SLX4: variants seen among roughly 807,000 people sequenced by gnomAD.
SLX4 encodes structure-specific endonuclease subunit SLX4.
In SLX4, 112 loss-of-function variants were observed where a neutral mutation model predicts 146.2. That is an observed-to-expected ratio of 0.77 (90% CI 0.66 to 0.90). The LOEUF is 0.90. SLX4 is among the 40% of genes least tolerant of loss of function. SLX4 has a pLI of 0.00. For synonymous variants in SLX4, 1,061 were observed against 997.7 expected, an observed-to-expected ratio of 1.06 and a Z score of -1.20; for missense variants, 2,563 against 2,392.7, an observed-to-expected ratio of 1.07 and a Z score of -1.49.
chr16:3,605,347 C>T (rs1319248043), intron 3 of SLX4, among the ~76,000 whole-genome samples: 1 of 152,024 alleles, frequency 6.6e-6, no homozygotes, highest in Non-Finnish European at 1.5e-5. Flanking sequence ...CCTCGGCCTC[C>T]CAAAGTGCTG....
intron 5 of SLX4, 108 bp from the exon 6 acceptor site, chr16:3,598,107 G>C: frequency 7.7e-7 from 1 of 1,304,302 alleles, no homozygotes; most frequent in Non-Finnish European, 1.1e-6. Flanking sequence ...AGTGACGGAT[G>C]TGGACCTGCC....
intron 5 of SLX4, among the ~76,000 whole-genome samples, chr16:3,598,617 A>G (rs541063997): frequency 1.3e-5 from 2 of 152,354 alleles, no homozygotes; most frequent in South Asian, 2.1e-4. Context: ...GTGACTCCCA[A>G]TAAGCTGGGC....
At position 3,583,243 on chromosome 16, in the gene SLX4, C is replaced by T. The variant is rs779206091; in HGVS notation, c.5007G>A (p.Arg1669=). 6.2e-7 allele frequency: 1 copy of T among 1,614,202 alleles called. No homozygotes were observed. The highest frequency in any genetic ancestry group is 1.1e-5 in the South Asian group (1 of 91,088). Residue 1669 remains arginine (R), a synonymous_variant, in exon 14 of 15, where the codon AGG becomes AGA. Coordinates refer to ENST00000294008, the MANE Select transcript of SLX4 (RefSeq NM_032444.4). ...PAKTKGPRHQ[R]KHHESITPPS... ...GGGGTGTGATGCTTTCATGATGCTTCCTTTGATGTCGGGGGCCCTTGGTCT... is the reference window on the plus strand; with the variant it reads ...GGGGTGTGATGCTTTCATGATGCTTTCTTTGATGTCGGGGGCCCTTGGTCT...
rs2040563212 is a variant in SLX4 at position 3,590,000 on chromosome 16, A to G, written c.3638T>C (p.Val1213Ala). ...CGCCCCCTCATCCTCCTGCTGCAGC[A>G]CAGCTTCGCTTCTTGGTGGGCTCTG... ...PSQSPPRSEAVLQQEDEGALP... is the reference protein window; with the variant it reads ...PSQSPPRSEAALQQEDEGALP... The change falls in exon 12 of 15, where the codon GTG (valine) becomes GCG (alanine). Residue 1213 changes from valine (V) to alanine (A), a missense_variant. Val to Ala is a moderately conservative substitution (Grantham distance 64). Coordinates refer to ENST00000294008, the MANE Select transcript of SLX4 (RefSeq NM_032444.4). The surrounding 1 kb of genome is among the most constrained non-coding windows in gnomAD (Gnocchi z 6.2). The G allele has an allele frequency of 6.2e-7, 1 of 1,613,572 alleles. No individual in the cohort carries two copies. Among genetic ancestry groups the G allele is most frequent in the Non-Finnish European group, 8.5e-7 (1 of 1,179,908 alleles).
chr16:3,604,924 ATTTTT>A (rs544664658), intron 3 of SLX4, among the ~76,000 whole-genome samples: 2 of 133,868 alleles, frequency 1.5e-5, no homozygotes. Flanking sequence ...ATTCATTGTA[ATTTTT>A]TTTTTTTTTT....
In SLX4 at chr16:3,591,166, T is replaced by A; in HGVS notation, c.2472A>T (p.Ala824=). 6.2e-7 allele frequency: 1 copy of A among 1,614,226 alleles called. No homozygotes were observed. Among genetic ancestry groups the A allele is most frequent in the Non-Finnish European group, 8.5e-7 (1 of 1,180,044 alleles). Residue 824 remains alanine, a synonymous_variant, in exon 12 of 15, where the codon GCA becomes GCT. Coordinates refer to ENST00000294008, the MANE Select transcript of SLX4 (RefSeq NM_032444.4). ...NFQELLRSMW[A]DEEEEAETLL... ...AAGTCTCCGCTTCCTCCTCTTCATC[T>A]GCCCACATTGACCTCAAGAGTTCCT...
chr16:3,596,454 G>A (rs980413739), intron 7 of SLX4, 61 bp from the exon 8 acceptor site: 3 of 1,522,242 alleles, frequency 2.0e-6, no homozygotes, highest in African/African-American at 2.7e-5. Context: ...ACACACTGCA[G>A]AAGCCATCAC....
chr16:3,591,010 G>A lies in SLX4; in HGVS notation c.2628C>T (p.Asp876=), dbSNP rs201279467. The change falls in exon 12 of 15, where the codon GAC becomes GAT. Residue 876 remains aspartate, a synonymous_variant. Transcript: ENST00000294008. Reference sequence around the variant, plus strand: ...GACTGCCACCCTCCAGCCAGTCAGCGTCCTCGCCGGCACCCGCTGCCCTTT... The same window carrying A: ...GACTGCCACCCTCCAGCCAGTCAGCATCCTCGCCGGCACCCGCTGCCCTTT... ...QEERAAGAGE[D]ADWLEGGSPV... is the part of the protein sequence containing the mutation. 277 of 1,614,168 alleles carry A rather than the reference G, an allele frequency of 1.7e-4. No individual in the cohort carries two copies. In the East Asian group the frequency reaches 2.9e-3, roughly 17 times the overall value.
At chr16:3,607,799 G>C (rs535952434) in intron 2 of SLX4, among the ~76,000 whole-genome samples, 2 of 152,350 alleles carry the variant, frequency 1.3e-5, no homozygotes, top group Non-Finnish European at 2.9e-5. Context: ...CCCACACAGA[G>C]TCCTCATGCG....
rs2040684367 is a variant in SLX4, at chr16:3,597,928, T to A, written c.1235A>T (p.Lys412Met). The change falls in exon 6 of 15, where the codon AAG becomes ATG. Residue 412 changes from lysine (K) to methionine (M), a missense_variant. Lys to Met is a moderately conservative substitution (Grantham distance 95, BLOSUM62 -1). Transcript: ENST00000294008. This position sits in a 1 kb window ranked among gnomAD's most constrained non-coding sequence, Gnocchi z 4.4. ...GTCCTCGGACGGTGCCTCGTCCACCTTCCGCCTCTTCCGTGGCTCCTTCTT... is the reference window on the plus strand; with the variant it reads ...GTCCTCGGACGGTGCCTCGTCCACCATCCGCCTCTTCCGTGGCTCCTTCTT... ...TSKKEPRKRRKVDEAPSEDLL... is the reference protein window; with the variant it reads ...TSKKEPRKRRMVDEAPSEDLL... The A allele has an allele frequency of 1.2e-6, 2 of 1,614,030 alleles. No individual in the cohort carries two copies. The highest frequency in any genetic ancestry group is 2.2e-5 in the South Asian group (2 of 91,090).
chr16:3,582,918 G>A (rs1255748437), intron 14 of SLX4, among the ~76,000 whole-genome samples, 179 bp downstream of exon 14: 1 of 152,216 alleles, frequency 6.6e-6, no homozygotes, highest in Non-Finnish European at 1.5e-5. Context: ...CAGGAGGCCT[G>A]CGCAGGGCTG....
chr16:3,607,563 G>C (rs1326488188), intron 2 of SLX4, among the ~76,000 whole-genome samples: 1 of 152,058 alleles, frequency 6.6e-6, no homozygotes, highest in Non-Finnish European at 1.5e-5. Flanking sequence ...GGGTGCCTGT[G>C]GTCCCAGCTA....
intron 13 of SLX4, 25 bp from the exon 14 acceptor site, chr16:3,583,535 A>G (rs1178804925): frequency 6.2e-7 from 1 of 1,610,988 alleles, no homozygotes; most frequent in East Asian, 2.2e-5. Flanking sequence ...GGTGGATCTC[A>G]GGACCCACCC....
Position 3,591,097 on chromosome 16 carries a change from A to C in SLX4, c.2541T>G (p.Asn847Lys), listed in dbSNP as rs1453164151. 1 of 1,614,026 alleles carries C rather than the reference A, an allele frequency of 6.2e-7. No individual in the cohort carries two copies. The highest frequency in any genetic ancestry group is 8.5e-7 in the Non-Finnish European group (1 of 1,180,038). The change falls in exon 12 of 15, where the codon AAT becomes AAG. Residue 847 changes from asparagine to lysine, a missense_variant. Coordinates refer to ENST00000294008, the MANE Select transcript of SLX4 (RefSeq NM_032444.4). ...KDHEEDQENV[N>K]EAEMEEIYEF... ...CATAAATTTCTTCCATTTCTGCTTC[A>C]TTCACGTTTTCTTGATCTTCTTCGT...
In SLX4 at chr16:3,591,223, T is replaced by C. The variant is rs1012331793; in HGVS notation, c.2415A>G (p.Ala805=). The C allele has an allele frequency of 6.2e-7, 1 of 1,613,764 alleles. No individual in the cohort carries two copies. Among genetic ancestry groups the C allele is most frequent in the African/African-American group, 1.3e-5 (1 of 74,936 alleles). Reference sequence around the variant, plus strand: ...TCTCGGCCCTGCTTTCGCAATTCTCTGCTTCCTTCTCCTCCCATGGTTTGC... The same window carrying C: ...TCTCGGCCCTGCTTTCGCAATTCTCCGCTTCCTTCTCCTCCCATGGTTTGC... The part of the protein sequence containing the change: ...SEGKPWEEKE[A]ENCESRAENF... The change falls in exon 12 of 15, where the codon GCA becomes GCG. Residue 805 remains alanine (A), a synonymous_variant. Coordinates refer to ENST00000294008, the MANE Select transcript of SLX4 (RefSeq NM_032444.4).
In SLX4 at chr16:3,582,096, A is replaced by G. The variant is rs2151115124; in HGVS notation, c.*246T>C. ...GGAGACACACTGTGAGCACGGACAG[A>G]GGAAGGGGCTGGAGTCTGTAAATCC... On this transcript the variant is annotated 3_prime_UTR_variant, in exon 15 of 15. Coordinates refer to ENST00000294008, the MANE Select transcript of SLX4 (RefSeq NM_032444.4). The G allele has an allele frequency of 1.7e-6, 1 of 583,516 alleles. No homozygotes were observed. Among genetic ancestry groups the G allele is most frequent in the South Asian group, 2.1e-5 (1 of 47,108 alleles). The allele number at this position is 583,516 out of a possible 1,614,324, so 36.1% of individuals were successfully genotyped here.
Position 3,594,591 on chromosome 16 carries a change from G to T in SLX4, c.2022C>A (p.Leu674=), listed in dbSNP as rs139900828. Reference sequence around the variant, plus strand: ...CGCCAAAGTCAGCAACCAGCAGCCCGAGGGAGAGCTGAAGCAGGAGGAGAG... The same window carrying T: ...CGCCAAAGTCAGCAACCAGCAGCCCTAGGGAGAGCTGAAGCAGGAGGAGAG... ...PDRGGRTLLS[L]GLLVADFGAM... The change falls in exon 10 of 15, where the codon CTC becomes CTA. Residue 674 remains leucine (L), a synonymous_variant. Transcript: ENST00000294008. 2.5e-6 allele frequency: 4 copies of T among 1,614,074 alleles called. No individual in the cohort carries two copies. The highest frequency in any genetic ancestry group is 3.4e-6 in the Non-Finnish European group (4 of 1,179,990).
rs1418578189 is a variant in SLX4, at chr16:3,589,812, T to C, written c.3826A>G (p.Ser1276Gly). 1 of 1,613,446 alleles carries C rather than the reference T, an allele frequency of 6.2e-7. No individual in the cohort carries two copies. Among genetic ancestry groups the C allele is most frequent in the East Asian group, 2.2e-5 (1 of 44,870 alleles). Reference protein sequence around the residue: ...SRDCSSQTQISSLRSGLAVQA... With the variant: ...SRDCSSQTQIGSLRSGLAVQA... ...ACGGCCAGCCCGCTCCTGAGGCTGC[T>C]GATTTGGGTCTGGGAAGAACAGTCA... is the stretch of plus-strand genomic sequence containing the variant. Residue 1276 changes from serine (S) to glycine (G), a missense_variant, in exon 12 of 15, where the codon AGC (serine) becomes GGC (glycine). Coordinates refer to ENST00000294008, the MANE Select transcript of SLX4 (RefSeq NM_032444.4). This position sits in a 1 kb window ranked among gnomAD's most constrained non-coding sequence, Gnocchi z 6.2.
chr16:3,584,666 C>CA, intron 13 of SLX4, 103 bp downstream of exon 13: 1 of 909,698 alleles, frequency 1.1e-6, no homozygotes, highest in South Asian at 1.3e-5. Context: ...CCACCAGACC[C>CA]AGAGACCACA....
Sources: gnomAD v4.1 joint callset for allele counts (sites outside exome capture counted in the v4.1 genomes callset) on GRCh38, gnomAD v4.1.1 for gene constraint, Gnocchi (gnomAD v3.1) non-coding constraint, MANE v1.5 for transcripts, NCBI Gene and HGNC (gene_info 2026-07-23, HGNC 2026-07-21) for gene names.